Variants in PRKCZ observed in about 807,000 individuals in gnomAD.
PRKCZ encodes the protein protein kinase C zeta, also known as protein kinase C zeta type.
Under a neutral mutation model 79.5 loss-of-function variants are expected in PRKCZ, and 33 were observed. That is an observed-to-expected ratio of 0.41 (90% confidence interval 0.31 to 0.55). PRKCZ has a LOEUF of 0.55. PRKCZ is among the 20% of genes least tolerant of loss of function. The pLI is 0.19. For synonymous variants in PRKCZ, 342 were observed against 320.9 expected (o/e 1.07, Z -0.70); for missense variants, 578 against 813.5 (o/e 0.71, Z 3.52).
intron 16 of PRKCZ, among the ~76,000 whole-genome samples, chr1:2,181,082 C>A (rs1227987609): frequency 7.5e-6 from 1 of 132,568 alleles, no homozygotes; most frequent in African/African-American, 2.8e-5. Context: ...CCTGCTGCTT[C>A]TCCCCACCCC....
intron 4 of PRKCZ, among the ~76,000 whole-genome samples, chr1:2,105,438 T>G (rs1302248213): frequency 6.6e-6 from 1 of 152,158 alleles, no homozygotes; most frequent in Non-Finnish European, 1.5e-5. Context: ...CTCACTCTTT[T>G]GCCCAGGCTG....
In PRKCZ at chr1:2,172,211, C is replaced by A; in HGVS notation, c.1197+21C>A. 6.2e-7 allele frequency: 1 copy of A among 1,613,424 alleles called. No individual in the cohort carries two copies. The highest frequency in any genetic ancestry group is 1.7e-5 in the Admixed American group (1 of 60,014). On this transcript the variant is annotated intron_variant, in intron 12 of 17. Coordinates refer to ENST00000378567, the MANE Select transcript of PRKCZ (RefSeq NM_002744.6). This position sits in a 1 kb window ranked among gnomAD's most constrained non-coding sequence, Gnocchi z 7.8. ...GCAAGGTGCGTGCCTTGGACCGCCTCCCCTGACCATCCCGCATGTGCGTCT... is the reference window on the plus strand; with the variant it reads ...GCAAGGTGCGTGCCTTGGACCGCCTACCCTGACCATCCCGCATGTGCGTCT...
rs143067707 is a variant in PRKCZ, at chr1:2,176,087, C to T, written c.1575+774C>T. Among the ~76,000 whole-genome samples, 587 of 152,120 alleles carry T rather than the reference C, an allele frequency of 3.9e-3. 3 individuals carry two copies. The highest frequency in any genetic ancestry group is 0.015 in the South Asian group (74 of 4,812). ...GGACAGGGTGCGACGTACACTGGCT[C>T]GATTTAGGAATCTGATTTCGGTGGT... On this transcript the variant is annotated intron_variant, in intron 16 of 17. Coordinates refer to ENST00000378567, the MANE Select transcript of PRKCZ (RefSeq NM_002744.6).
chr1:2,116,659 C>G (rs574059760), intron 4 of PRKCZ, among the ~76,000 whole-genome samples: 2 of 152,104 alleles, frequency 1.3e-5, no homozygotes, highest in Non-Finnish European at 2.9e-5. Flanking sequence ...GCCCCCATGT[C>G]GTACTGTTCT....
In PRKCZ at chr1:2,091,855, G is replaced by A. The variant is rs372463095; in HGVS notation, c.334+32264G>A. 2.9e-3 allele frequency among the ~76,000 whole-genome samples: 449 copies of A among 152,314 alleles called. 1 individual carries two copies. In the South Asian group the frequency reaches 0.03, roughly 10 times the overall value. On this transcript the variant is annotated intron_variant, in intron 4 of 17. Coordinates refer to ENST00000378567, the MANE Select transcript of PRKCZ (RefSeq NM_002744.6). ...ACCCCAGGCGGGAGGACAGATGCGC[G>A]TCCTGTGTTGGGGCCACGGAGTTGT...
At chr1:2,083,282 C>T (rs369115599) in intron 4 of PRKCZ, among the ~76,000 whole-genome samples, 4 of 152,224 alleles carry the variant, frequency 2.6e-5, no homozygotes, top group African/African-American at 9.6e-5. Flanking sequence ...CTGTTCCCTC[C>T]TCACCAGTCT....
intron 6 of PRKCZ, chr1:2,144,686 G>A (rs372989526): frequency 1.9e-6 from 2 of 1,045,626 alleles, no homozygotes; most frequent in Non-Finnish European, 2.3e-6. Flanking sequence ...AGCCAGGTCT[G>A]ACCTAGTAGC....
chr1:2,180,385 CATGGACGCACAGACGAT>C (rs1453437245), intron 16 of PRKCZ, among the ~76,000 whole-genome samples: 1 of 151,944 alleles, frequency 6.6e-6, no homozygotes, highest in African/African-American at 2.4e-5. Context: ...GCACAGACGA[CATGGACGCACAGACGAT>C]GTGGATGCAC....
At chr1:2,119,387 G>T (rs1018597355) in intron 4 of PRKCZ, among the ~76,000 whole-genome samples, 10 of 151,852 alleles carry the variant, frequency 6.6e-5, no homozygotes, top group African/African-American at 2.4e-4. Flanking sequence ...ACTATTTTTT[G>T]TATTTTTAGT....
chr1:2,105,986 C>T (rs1052481436), intron 4 of PRKCZ, among the ~76,000 whole-genome samples: 4 of 152,220 alleles, frequency 2.6e-5, no homozygotes, highest in African/African-American at 2.4e-5. Context: ...GGGGCTCCTG[C>T]GTTTGTGCCC....
chr1:2,148,343 C>T (rs1679131655), intron 7 of PRKCZ, among the ~76,000 whole-genome samples: 1 of 147,040 alleles, frequency 6.8e-6, no homozygotes, highest in South Asian at 2.3e-4. Flanking sequence ...TCTGTCCATC[C>T]ACTGTCCACT....
chr1:2,112,072 A>G (rs183681263), intron 4 of PRKCZ, among the ~76,000 whole-genome samples: 1 of 152,254 alleles, frequency 6.6e-6, no homozygotes, highest in East Asian at 1.9e-4. Context: ...CCAAACTCCA[A>G]GTGTTTCCCA....
At chr1:2,052,479 C>T (rs1232493119) in intron 1 of PRKCZ, among the ~76,000 whole-genome samples, 1 of 151,674 alleles carries the variant, frequency 6.6e-6, no homozygotes, top group Non-Finnish European at 1.5e-5. Context: ...CCGCTCTCCC[C>T]TCTCTCCCTT....
At chr1:2,074,325 G>A in intron 4 of PRKCZ, 1 of 1,547,792 alleles carries the variant, frequency 6.5e-7, no homozygotes, top group East Asian at 2.4e-5. Context: ...TGGAGGGCTG[G>A]GGGCCGGGGG....
intron 16 of PRKCZ, among the ~76,000 whole-genome samples, chr1:2,175,542 CCCAACCCCACT>C (rs1188276691): frequency 2.7e-5 from 4 of 146,056 alleles, no homozygotes; most frequent in African/African-American, 1.0e-4. Context: ...CCAATATCCA[CCCAACCCCACT>C]CCAACCCCTA....
intron 4 of PRKCZ, among the ~76,000 whole-genome samples, chr1:2,120,425 G>A (rs541157414): frequency 6.2e-5 from 9 of 144,788 alleles, no homozygotes; most frequent in Non-Finnish European, 9.0e-5. Flanking sequence ...TCAGCGTCCC[G>A]AGTAGCTGGG....
At position 2,125,760 on chromosome 1, in the gene PRKCZ, G is replaced by C. The variant is rs1673748645; in HGVS notation, c.335-9502G>C. ...AGGTTTCCCAATCAGATTTGCTCAG[G>C]GTCCCTCCAGCAGTCCATGCCGCAG... On this transcript the variant is annotated intron_variant, in intron 4 of 17. Coordinates refer to ENST00000378567, the MANE Select transcript of PRKCZ (RefSeq NM_002744.6). This position sits in a 1 kb window ranked among gnomAD's most constrained non-coding sequence, Gnocchi z 4.2. Among the ~76,000 whole-genome samples the C allele has an allele frequency of 6.6e-6, 1 of 152,216 alleles. No homozygotes were observed. Among genetic ancestry groups the C allele is most frequent in the South Asian group, 2.1e-4 (1 of 4,828 alleles).
chr1:2,078,529 G>A (rs145612734), intron 4 of PRKCZ, among the ~76,000 whole-genome samples: 245 of 152,162 alleles, frequency 1.6e-3, no homozygotes, highest in African/African-American at 5.7e-3. Context: ...GTTCCTTGTC[G>A]TGGAAACTTC....
intron 4 of PRKCZ, among the ~76,000 whole-genome samples, chr1:2,121,391 C>T (rs1671855504): frequency 6.8e-6 from 1 of 146,398 alleles, no homozygotes; most frequent in Non-Finnish European, 1.5e-5. Flanking sequence ...GAAGCCCTAA[C>T]CCTCCAGTGT....
Sources: allele counts gnomAD v4.1 joint callset (sites outside exome capture counted in the v4.1 genomes callset), GRCh38; gene constraint gnomAD v4.1.1; non-coding constraint Gnocchi (gnomAD v3.1); transcripts MANE v1.5; gene names NCBI Gene and HGNC (gene_info 2026-07-23, HGNC 2026-07-21).